MCTP1: variants seen among roughly 807,000 people sequenced by gnomAD.
The protein encoded by MCTP1 is multiple C2 and transmembrane domain containing 1, also known as multiple C2 and transmembrane domain-containing protein 1.
In MCTP1, 69 loss-of-function variants were observed where a neutral mutation model predicts 120.6. That is an observed-to-expected ratio of 0.57 (90% CI 0.47 to 0.70). The LOEUF is 0.70. MCTP1 is among the 30% of genes least tolerant of loss of function. The pLI is 0.00. For synonymous variants in MCTP1, 529 were observed against 493.1 expected (o/e 1.07, Z -0.96); for missense variants, 1,203 against 1,248.8 (o/e 0.96, Z 0.55).
At chr5:95,259,177 G>T (rs1247298925) in intron 1 of MCTP1, among the ~76,000 whole-genome samples, 1 of 152,140 alleles carries the variant, frequency 6.6e-6, no homozygotes, top group Non-Finnish European at 1.5e-5. Context: ...GAGGCCACAG[G>T]AAATGGACTA....
chr5:94,787,167 CG>C (rs1194933472), intron 18 of MCTP1, among the ~76,000 whole-genome samples: 8 of 152,100 alleles, frequency 5.3e-5, no homozygotes, highest in African/African-American at 1.9e-4. Context: ...TCTTCATGCA[CG>C]GTGCACAGTG....
chr5:95,167,653 T>C (rs1253866067), intron 1 of MCTP1, among the ~76,000 whole-genome samples: 7 of 152,400 alleles, frequency 4.6e-5, no homozygotes, highest in Middle Eastern at 6.8e-3. Context: ...ATTTCTCTGA[T>C]GGCCAGTGAT....
At chr5:95,057,442 T>C (rs1375917211) in intron 1 of MCTP1, among the ~76,000 whole-genome samples, 2 of 152,208 alleles carry the variant, frequency 1.3e-5, no homozygotes, top group African/African-American at 4.8e-5. Flanking sequence ...AGATACACTT[T>C]ACTTTCCATA....
At chr5:95,061,435 T>G (rs867865268) in intron 1 of MCTP1, among the ~76,000 whole-genome samples, 4,316 of 75,492 alleles carry the variant, frequency 0.057, 324 homozygotes, top group Non-Finnish European at 0.087. Context: ...TTTTTTTTTT[T>G]TTTTTTTTTT....
intron 1 of MCTP1, among the ~76,000 whole-genome samples, chr5:95,203,775 C>T (rs1172289085): frequency 6.6e-6 from 1 of 152,180 alleles, no homozygotes; most frequent in Non-Finnish European, 1.5e-5. Flanking sequence ...TGTAACTTAA[C>T]ACATATGTGA....
chr5:94,891,852 T>C (rs550393831), intron 11 of MCTP1, among the ~76,000 whole-genome samples: 1 of 152,292 alleles, frequency 6.6e-6, no homozygotes, highest in South Asian at 2.1e-4. Context: ...GCCTTGCTAT[T>C]TACGGTTATT....
At chr5:94,730,476 A>G (rs139004080) in intron 19 of MCTP1, among the ~76,000 whole-genome samples, 56 of 152,292 alleles carry the variant, frequency 3.7e-4, no homozygotes, top group Middle Eastern at 3.4e-3. Flanking sequence ...GCCCTAGGGA[A>G]GAGTGGAGCA....
At chr5:94,873,337 T>C (rs770888662) in intron 12 of MCTP1, 96 bp from the exon 13 acceptor site, 36 of 635,670 alleles carry the variant, frequency 5.7e-5, no homozygotes, top group Admixed American at 4.6e-4. Flanking sequence ...AAAAGTTTTA[T>C]AGTAAACAAA....
intron 17 of MCTP1, among the ~76,000 whole-genome samples, chr5:94,813,123 C>T (rs564832370): frequency 2.6e-5 from 4 of 151,790 alleles, no homozygotes; most frequent in African/African-American, 4.8e-5. Flanking sequence ...GTACTTAATA[C>T]GAAGACAAAA....
intron 17 of MCTP1, among the ~76,000 whole-genome samples, chr5:94,862,197 G>A (rs1293649973): frequency 6.6e-6 from 1 of 151,678 alleles, no homozygotes; most frequent in African/African-American, 2.4e-5. Flanking sequence ...GACAAAGGCG[G>A]AAGAGCAGCG....
chr5:94,805,737 A>T (rs1782136150), intron 17 of MCTP1, among the ~76,000 whole-genome samples: 1 of 151,260 alleles, frequency 6.6e-6, no homozygotes, highest in Non-Finnish European at 1.5e-5. Flanking sequence ...GAGGGCAGGG[A>T]CTATTACCTT....
At chr5:95,259,502 T>G (rs1758254718) in intron 1 of MCTP1, among the ~76,000 whole-genome samples, 2 of 152,202 alleles carry the variant, frequency 1.3e-5, no homozygotes, top group South Asian at 4.1e-4. Context: ...GCCAGACAAC[T>G]GTCAACACAT....
At chr5:94,777,863 A>T (rs1775714820) in intron 19 of MCTP1, among the ~76,000 whole-genome samples, 1 of 152,036 alleles carries the variant, frequency 6.6e-6, no homozygotes, top group Non-Finnish European at 1.5e-5. Flanking sequence ...CAGAAGAAAA[A>T]TTTCACATAA....
chr5:95,285,015 C>T lies in MCTP1; in HGVS notation c.-440G>A, dbSNP rs1354804313. On this transcript the variant is annotated 5_prime_UTR_variant, in exon 1 of 23. Transcript: ENST00000515393. The stretch of plus-strand genomic sequence containing the variant: ...TGCGCCAGGGACCGCACCCGGCGCC[C>T]TCTGGGCAGCACCTGTCAGCGGCGG... Among the ~76,000 whole-genome samples the T allele has an allele frequency of 5.3e-5, 8 of 152,166 alleles. No individual in the cohort carries two copies. Among genetic ancestry groups the T allele is most frequent in the Non-Finnish European group, 1.2e-4 (8 of 68,008 alleles).
rs768642088 is a variant in MCTP1 at position 95,017,431 on chromosome 5, G to A, written c.774C>T (p.Pro258=). 13 of 1,610,526 alleles carry A rather than the reference G, an allele frequency of 8.1e-6. No homozygotes were observed. Among genetic ancestry groups the A allele is most frequent in the East Asian group, 2.2e-5 (1 of 44,760 alleles). Residue 258 remains proline, a synonymous_variant, in exon 2 of 23, where the codon CCC becomes CCT. Coordinates refer to ENST00000515393, the MANE Select transcript of MCTP1 (RefSeq NM_024717.7). The part of the protein sequence containing the change: ...TSNAEVPLAD[P]GMYQLDITLR... ...ATGTAATGTCCAGCTGGTACATTCC[G>A]GGATCAGCCAAGGGGACTTCTGCAT...
At chr5:95,262,929 T>C (rs1253809466) in intron 1 of MCTP1, among the ~76,000 whole-genome samples, 4 of 152,212 alleles carry the variant, frequency 2.6e-5, no homozygotes, top group Non-Finnish European at 5.9e-5. Context: ...TGATTTCGCA[T>C]TATGGGGCAT....
intron 12 of MCTP1, among the ~76,000 whole-genome samples, chr5:94,882,890 T>C (rs996437099): frequency 1.3e-5 from 2 of 152,200 alleles, no homozygotes; most frequent in African/African-American, 4.8e-5. Context: ...ATGATTTCTG[T>C]AATTCTCTTT....
At chr5:94,889,102 TA>T in intron 11 of MCTP1, 130 bp from the exon 12 acceptor site, 1 of 564,722 alleles carries the variant, frequency 1.8e-6, no homozygotes, top group Non-Finnish European at 3.1e-6. Context: ...TTAAACTAAC[TA>T]ATTTTTTTTT....
intron 1 of MCTP1, among the ~76,000 whole-genome samples, chr5:95,097,790 A>C (rs1756383880): frequency 6.6e-6 from 1 of 152,200 alleles, no homozygotes; most frequent in Admixed American, 6.5e-5. Flanking sequence ...TAGATAGATC[A>C]AAGCACGAAG....
Sources: allele counts gnomAD v4.1 joint callset (sites outside exome capture counted in the v4.1 genomes callset), GRCh38; gene constraint gnomAD v4.1.1; transcripts MANE v1.5; gene names NCBI Gene and HGNC (gene_info 2026-07-23, HGNC 2026-07-21).